The following PTPN13 variants were observed in gnomAD, a reference collection of about 807,000 sequenced individuals.
PTPN13 encodes the protein protein tyrosine phosphatase non-receptor type 13.
Under a neutral mutation model 284.0 loss-of-function variants are expected in PTPN13, and 191 were observed. The observed-to-expected ratio is 0.67, with a 90% CI of 0.60 to 0.76. The LOEUF (loss-of-function observed/expected upper bound fraction) is 0.76, where lower values mean the gene tolerates loss of function less well. Among genes scored for constraint, PTPN13 ranks in the 30% least tolerant of loss-of-function variants. The pLI is 0.00. For synonymous variants in PTPN13, 986 were observed against 1,022.3 expected, an observed-to-expected ratio of 0.96 and a Z score of 0.68; for missense variants, 2,797 against 2,939.9, an observed-to-expected ratio of 0.95 and a Z score of 1.12.
chr4:86,681,464 T>C (rs536415216), intron 3 of PTPN13, among the ~76,000 whole-genome samples: 1 of 152,190 alleles, frequency 6.6e-6, no homozygotes, highest in Non-Finnish European at 1.5e-5. Flanking sequence ...CTGCTAAATA[T>C]CCTGCAATTT....
At position 86,628,774 on chromosome 4, in the gene PTPN13, T is replaced by C. The variant is rs542477927; in HGVS notation, c.-5-6478T>C. Among the ~76,000 whole-genome samples, 5 of 147,120 alleles carry C rather than the reference T, an allele frequency of 3.4e-5. No homozygotes were observed. The South Asian group carries it at 1.1e-3, about 33-fold the overall frequency. On this transcript the variant is annotated intron_variant, in intron 1 of 47. Coordinates refer to ENST00000411767, the MANE Select transcript of PTPN13 (RefSeq NM_080683.3). ...GGTGTTTGGTTTTTTGTTCTTGCGATAGTTTACTGAGAATGATGGTTTCCA... is the reference window on the plus strand; with the variant it reads ...GGTGTTTGGTTTTTTGTTCTTGCGACAGTTTACTGAGAATGATGGTTTCCA...
At chr4:86,780,591 A>C in intron 36 of PTPN13, 119 bp downstream of exon 36, 1 of 715,090 alleles carries the variant, frequency 1.4e-6, no homozygotes, top group East Asian at 2.7e-5. Context: ...CTAAAATATA[A>C]TCCAGCTTTT....
intron 30 of PTPN13, 114 bp from the exon 31 acceptor site, chr4:86,771,057 A>G: frequency 3.5e-6 from 4 of 1,136,458 alleles, no homozygotes; most frequent in Non-Finnish European, 4.9e-6. Flanking sequence ...TACTTTTATC[A>G]TCAGAAAATT....
chr4:86,732,703 G>C lies in PTPN13; in HGVS notation c.1795G>C (p.Asp599His), dbSNP rs61757790. ...DTKTICKDVF[D>H]MVVAHIGLVE... ...CAAAACTATATGTAAAGATGTGTTTGATATGGTTGTGGCACATATTGGCTT... is the reference window on the plus strand; with the variant it reads ...CAAAACTATATGTAAAGATGTGTTTCATATGGTTGTGGCACATATTGGCTT... The change falls in exon 12 of 48, where the codon GAT becomes CAT. Residue 599 changes from aspartate (D) to histidine (H), a missense_variant. Physicochemically the swap from Asp to His is moderately conservative, Grantham distance 81. Coordinates refer to ENST00000411767, the MANE Select transcript of PTPN13 (RefSeq NM_080683.3). The C allele has an allele frequency of 3.4e-4, 545 of 1,613,630 alleles. 2 individuals are homozygous for C. In the African/African-American group the frequency reaches 6.7e-3, roughly 20 times the overall value.
intron 2 of PTPN13, among the ~76,000 whole-genome samples, chr4:86,669,285 G>A (rs970222823): frequency 2.4e-4 from 27 of 113,360 alleles, no homozygotes; most frequent in East Asian, 5.4e-4. Flanking sequence ...GGAAGAAGAT[G>A]TATATATATA....
At chr4:86,787,973 C>G (rs1742179651) in intron 40 of PTPN13, among the ~76,000 whole-genome samples, 1 of 152,196 alleles carries the variant, frequency 6.6e-6, no homozygotes, top group African/African-American at 2.4e-5. Flanking sequence ...ATAGATCCTG[C>G]AAATACATGC....
chr4:86,735,965 A>T (rs1338223012), intron 15 of PTPN13, among the ~76,000 whole-genome samples: 1 of 152,180 alleles, frequency 6.6e-6, no homozygotes, highest in Non-Finnish European at 1.5e-5. Flanking sequence ...TATGGGGCAG[A>T]TATGATTTGA....
intron 1 of PTPN13, among the ~76,000 whole-genome samples, chr4:86,613,151 T>C (rs1344375271): frequency 6.6e-6 from 1 of 152,152 alleles, no homozygotes; most frequent in Non-Finnish European, 1.5e-5. Context: ...AGTGCAGTAA[T>C]GAAATAATAA....
chr4:86,713,631 A>G (rs1732680355), intron 7 of PTPN13, among the ~76,000 whole-genome samples: 1 of 152,148 alleles, frequency 6.6e-6, no homozygotes, highest in Admixed American at 6.5e-5. Flanking sequence ...AAAGCCAGAC[A>G]AAGTCAAGTA....
intron 10 of PTPN13, among the ~76,000 whole-genome samples, chr4:86,724,873 T>C (rs140076347): frequency 0.01 from 1,543 of 152,040 alleles, 16 homozygotes; most frequent in Middle Eastern, 0.027. Context: ...AACATGCAGG[T>C]TTGTTATGTA....
chr4:86,743,701 A>G (rs7664860), intron 16 of PTPN13, among the ~76,000 whole-genome samples: 21,485 of 152,190 alleles, frequency 0.14, 1,967 homozygotes, highest in African/African-American at 0.25. Context: ...ATTTATATAA[A>G]TAAGAAAAGT....
Position 86,785,908 on chromosome 4 carries a change from GT to G in PTPN13, c.6319del (p.Ser2107HisfsTer13). On this transcript the variant is annotated frameshift_variant, in exon 40 of 48. Transcript: ENST00000411767. LOFTEE classifies it high-confidence loss of function. ...AGAACAGAAGATACAGACTGCGATG[GT>G]TCACCTTTACCTGAGTATTTTACTG... ...EERTEDTDCDGSPLPEYFTEA... is the reference protein window; with the variant it reads ...EERTEDTDCDXSPLPEYFTEA... The G allele has an allele frequency of 6.4e-7, 1 of 1,561,580 alleles. No individual in the cohort carries two copies. Among genetic ancestry groups the G allele is most frequent in the East Asian group, 2.3e-5 (1 of 42,824 alleles).
At chr4:86,728,748 A>T (rs191618353) in intron 10 of PTPN13, among the ~76,000 whole-genome samples, 1 of 132,988 alleles carries the variant, frequency 7.5e-6, no homozygotes, top group African/African-American at 2.7e-5. Flanking sequence ...TGCACGTGAG[A>T]TGGGTCTCCT....
intron 42 of PTPN13, among the ~76,000 whole-genome samples, chr4:86,803,154 G>A (rs13149431): frequency 0.096 from 14,304 of 148,782 alleles, 788 homozygotes; most frequent in Non-Finnish European, 0.11. Context: ...ACATATACAT[G>A]TATTTTTTAT....
chr4:86,791,225 G>A lies in PTPN13; in HGVS notation c.6345+5289G>A, dbSNP rs182763346. Among the ~76,000 whole-genome samples the A allele has an allele frequency of 3.5e-3, 529 of 152,290 alleles. 9 individuals carry two copies. The highest frequency in any genetic ancestry group is 0.012 in the African/African-American group (493 of 41,548). ...CTGGCTCAGCGGGTCCCAAGCCCAC[G>A]GAGCCTTGCTCACTGCCAGCGCAGC... On this transcript the variant is annotated intron_variant, in intron 40 of 47. Coordinates refer to ENST00000411767, the MANE Select transcript of PTPN13 (RefSeq NM_080683.3).
intron 26 of PTPN13, 29 bp downstream of exon 26, chr4:86,765,517 T>A: frequency 1.4e-6 from 2 of 1,407,190 alleles, no homozygotes; most frequent in Non-Finnish European, 2.0e-6. Context: ...GTGGGAATTA[T>A]ATGTATGAAT....
At chr4:86,757,668 G>A (rs1578589145) in intron 20 of PTPN13, among the ~76,000 whole-genome samples, 1 of 151,416 alleles carries the variant, frequency 6.6e-6, no homozygotes, top group Non-Finnish European at 1.5e-5. Context: ...GGAAGCTGGG[G>A]TGGGAGGATC....
chr4:86,813,591 C>A (rs1745469225), intron 47 of PTPN13, among the ~76,000 whole-genome samples: 2 of 151,990 alleles, frequency 1.3e-5, no homozygotes, highest in South Asian at 2.1e-4. Flanking sequence ...ATTACAGGTG[C>A]CTGCCACCTC....
chr4:86,702,475 G>A (rs1731271644), intron 7 of PTPN13, among the ~76,000 whole-genome samples: 1 of 151,858 alleles, frequency 6.6e-6, no homozygotes, highest in South Asian at 2.1e-4. Context: ...CTATAAAATG[G>A]GCTTCTCAAA....
Sources: allele counts gnomAD v4.1 joint callset (sites outside exome capture counted in the v4.1 genomes callset), GRCh38; gene constraint gnomAD v4.1.1; transcripts MANE v1.5; gene names NCBI Gene and HGNC (gene_info 2026-07-23, HGNC 2026-07-21).